ARHGEF33: variants seen among roughly 807,000 people sequenced by gnomAD.
ARHGEF33 encodes the protein DH and coiled-coil domain-containing protein ENSP00000381780.
ARHGEF33 carries 72 observed loss-of-function variants against 101.9 expected under a neutral mutation model. The observed-to-expected ratio is 0.71, with a 90% CI of 0.58 to 0.86. The LOEUF is 0.86. Among genes scored for constraint, ARHGEF33 ranks in the 40% least tolerant of loss-of-function variants. ARHGEF33 has a pLI of 0.00. For synonymous variants in ARHGEF33, 499 were observed against 442.5 expected (o/e 1.13, Z -1.60); for missense variants, 1,169 against 1,111.3 (o/e 1.05, Z -0.74).
intron 6 of ARHGEF33, 30 bp from the exon 7 acceptor site, chr2:38,931,079 A>C: frequency 1.3e-6 from 2 of 1,526,872 alleles, no homozygotes; most frequent in Non-Finnish European, 1.8e-6. Flanking sequence ...TAAGAACCAG[A>C]ATAGCCTTGT....
At chr2:38,933,691 C>A (rs925129628) in intron 7 of ARHGEF33, among the ~76,000 whole-genome samples, 4 of 152,158 alleles carry the variant, frequency 2.6e-5, no homozygotes, top group African/African-American at 9.7e-5. Context: ...CTTTTTATAA[C>A]CTAATCTTAG....
intron 11 of ARHGEF33, among the ~76,000 whole-genome samples, chr2:38,952,779 A>G (rs901819804): frequency 5.9e-5 from 9 of 151,892 alleles, no homozygotes; most frequent in Admixed American, 2.6e-4. Flanking sequence ...GCTCACTGCA[A>G]GCTCTGCCTC....
chr2:38,948,203 A>G (rs1572768226), intron 10 of ARHGEF33, among the ~76,000 whole-genome samples: 1 of 152,094 alleles, frequency 6.6e-6, no homozygotes, highest in East Asian at 1.9e-4. Flanking sequence ...TGTGGCTTGT[A>G]CTTGCCATCT....
In ARHGEF33 at chr2:38,973,567, T is replaced by G. The variant is rs1279290165; in HGVS notation, c.2484-147T>G. 8.7e-6 allele frequency: 7 copies of G among 805,828 alleles called. No homozygotes were observed. The African/African-American group carries it at 1.2e-4, about 14-fold the overall frequency. 49.9% of individuals were successfully genotyped at this position (805,828 alleles called of 1,614,324 possible). On this transcript the variant is annotated intron_variant, in intron 17 of 17. Transcript: ENST00000409978. ...ATGCAAATCTTAGATACACATGTCC[T>G]AAGTCATGAAATTCAGGGGAGTAAA...
At chr2:38,951,746 A>G (rs1208381781) in intron 11 of ARHGEF33, among the ~76,000 whole-genome samples, 1 of 151,856 alleles carries the variant, frequency 6.6e-6, no homozygotes, top group African/African-American at 2.4e-5. Context: ...ACACATGCAT[A>G]TATATATACA....
At chr2:38,906,965 C>T (rs1434922550) in intron 2 of ARHGEF33, among the ~76,000 whole-genome samples, 1 of 151,898 alleles carries the variant, frequency 6.6e-6, no homozygotes, top group Non-Finnish European at 1.5e-5. Flanking sequence ...AAAAGATGAT[C>T]CTTGGTTTAG....
intron 7 of ARHGEF33, among the ~76,000 whole-genome samples, chr2:38,935,129 T>A (rs1572757141): frequency 6.6e-6 from 1 of 151,814 alleles, no homozygotes; most frequent in South Asian, 2.1e-4. Context: ...GGGCTTTGGC[T>A]TTTACACTGA....
chr2:38,972,699 A>T (rs1668192222), intron 17 of ARHGEF33, among the ~76,000 whole-genome samples: 1 of 152,216 alleles, frequency 6.6e-6, no homozygotes, highest in Non-Finnish European at 1.5e-5. Context: ...CTTATCTAAT[A>T]ACAAGAGTGA....
chr2:38,931,888 T>C (rs1234931333), intron 7 of ARHGEF33, among the ~76,000 whole-genome samples: 1 of 152,198 alleles, frequency 6.6e-6, no homozygotes, highest in Non-Finnish European at 1.5e-5. Context: ...TTAGATGACA[T>C]TTCCTCTTAT....
intron 1 of ARHGEF33, among the ~76,000 whole-genome samples, chr2:38,893,420 A>C (rs1666050333): frequency 6.6e-6 from 1 of 152,130 alleles, no homozygotes; most frequent in Non-Finnish European, 1.5e-5. Flanking sequence ...TCAGCCTCCC[A>C]AAATGCTGGA....
chr2:38,896,334 C>T (rs764468317), intron 2 of ARHGEF33, among the ~76,000 whole-genome samples: 2 of 152,144 alleles, frequency 1.3e-5, no homozygotes, highest in East Asian at 1.9e-4. Flanking sequence ...GACAGGGTTT[C>T]ACCATGTTGG....
At chr2:38,967,703 G>A (rs932111918) in intron 17 of ARHGEF33, among the ~76,000 whole-genome samples, 1 of 151,408 alleles carries the variant, frequency 6.6e-6, no homozygotes, top group Non-Finnish European at 1.5e-5. Context: ...TGCCTCCTGA[G>A]TAGCTGGGAT....
intron 3 of ARHGEF33, 139 bp from the exon 4 acceptor site, chr2:38,921,235 G>C (rs575693786): frequency 3.2e-6 from 2 of 616,448 alleles, no homozygotes; most frequent in Non-Finnish European, 5.9e-6. Context: ...CTCATTTTTT[G>C]TTCCCCTGGA....
At chr2:38,963,313 A>G (rs1455774401) in intron 16 of ARHGEF33, among the ~76,000 whole-genome samples, 1 of 152,158 alleles carries the variant, frequency 6.6e-6, no homozygotes, top group Non-Finnish European at 1.5e-5. Context: ...TACTCTGTAT[A>G]TCTTTCACCC....
chr2:38,971,713 A>T (rs1347912477), intron 17 of ARHGEF33, among the ~76,000 whole-genome samples: 1 of 152,178 alleles, frequency 6.6e-6, no homozygotes, highest in Admixed American at 6.5e-5. Context: ...AGGATGAGCA[A>T]TTTAGCTGTT....
chr2:38,960,453 G>T lies in ARHGEF33; in HGVS notation c.2148G>T (p.Pro716=). ...SRSLKEFPRA[P]PADGVAPRLY... ...CTCTCAAAGAGTTCCCGCGTGCGCC[G>T]CCAGCCGACGGCGTGGCCCCACGCC... Residue 716 remains proline (P), a synonymous_variant, in exon 16 of 18, where the codon CCG becomes CCT. Transcript: ENST00000409978. The T allele has an allele frequency of 2.0e-6, 3 of 1,493,458 alleles. No individual in the cohort carries two copies. The highest frequency in any genetic ancestry group is 2.7e-5 in the East Asian group (1 of 37,334). The allele number at this position is 1,493,458 out of a possible 1,614,324, so 92.5% of individuals were successfully genotyped here. A position where few individuals can be genotyped will look rare whatever the true frequency, so the allele number is the denominator to read the frequency against.
intron 3 of ARHGEF33, 134 bp from the exon 4 acceptor site, chr2:38,921,240 C>T (rs1666749115): frequency 1.6e-6 from 1 of 634,266 alleles, no homozygotes; most frequent in Non-Finnish European, 2.9e-6. Context: ...TTTTTGTTCC[C>T]CTGGAATCAT....
At chr2:38,906,305 CT>C (rs1463708234) in intron 2 of ARHGEF33, among the ~76,000 whole-genome samples, 1 of 151,890 alleles carries the variant, frequency 6.6e-6, no homozygotes. Flanking sequence ...CACTTCTCTT[CT>C]TTTTTTATTA....
chr2:38,958,672 G>C (rs7582918), intron 15 of ARHGEF33, among the ~76,000 whole-genome samples: 119,064 of 152,164 alleles, frequency 0.78, 49,785 homozygotes, highest in Non-Finnish European at 0.92. Context: ...CAGACCACCA[G>C]AGTAAGATAT....
Sources: allele counts gnomAD v4.1 joint callset (sites outside exome capture counted in the v4.1 genomes callset), GRCh38; gene constraint gnomAD v4.1.1; transcripts MANE v1.5; gene names NCBI Gene and HGNC (gene_info 2026-07-23, HGNC 2026-07-21).